MEGF6: variants seen among roughly 807,000 people sequenced by gnomAD.
The protein encoded by MEGF6 is multiple epidermal growth factor-like domains protein 6.
MEGF6 carries 184 observed loss-of-function variants against 207.1 expected under a neutral mutation model. The ratio of observed to expected loss-of-function variants is 0.89; its 90% CI spans 0.79 to 1.00. The LOEUF is 1.00. Ranked by LOEUF, MEGF6 falls within the 50% of genes least tolerant of loss-of-function variation. MEGF6 has a pLI of 0.00. For missense variants in MEGF6, 2,282 were observed against 2,202.9 expected, an observed-to-expected ratio of 1.04 and a Z score of -0.72; for synonymous variants, 1,038 against 910.0, an observed-to-expected ratio of 1.14 and a Z score of -2.53.
intron 4 of MEGF6, among the ~76,000 whole-genome samples, chr1:3,571,326 G>C (rs1643487082): frequency 6.6e-6 from 1 of 152,146 alleles, no homozygotes; most frequent in African/African-American, 2.4e-5. Flanking sequence ...GAGGCCAGAA[G>C]CCTGTTCTTG....
chr1:3,613,576 G>C (rs547921387), upstream of MEGF6, among the ~76,000 whole-genome samples: 1 of 152,306 alleles, frequency 6.6e-6, no homozygotes, highest in South Asian at 2.1e-4. Context: ...CTCACTGTTT[G>C]AGAACATTCT....
chr1:3,605,650 G>A (rs58072665), intron 1 of MEGF6, among the ~76,000 whole-genome samples: 7,534 of 138,518 alleles, frequency 0.054, 346 homozygotes, highest in South Asian at 0.15. Flanking sequence ...GTACTCTCAC[G>A]CATGCAAGCT....
chr1:3,527,397 G>C (rs912662880), intron 4 of MEGF6, among the ~76,000 whole-genome samples: 8 of 152,318 alleles, frequency 5.3e-5, no homozygotes, highest in Admixed American at 2.6e-4. Context: ...AGGAGGCCAG[G>C]GTCTCTGCCT....
intron 4 of MEGF6, among the ~76,000 whole-genome samples, chr1:3,548,205 C>T (rs778385256): frequency 7.9e-5 from 12 of 152,224 alleles, no homozygotes; most frequent in Non-Finnish European, 1.5e-4. Flanking sequence ...GCCGACCTTT[C>T]CCACCAGCAC....
intron 4 of MEGF6, among the ~76,000 whole-genome samples, chr1:3,577,090 T>C (rs1449050646): frequency 1.3e-5 from 2 of 152,024 alleles, no homozygotes; most frequent in Admixed American, 1.3e-4. Flanking sequence ...TGTCCAGCCC[T>C]GCATAATTGA....
chr1:3,529,003 C>T (rs1334063769), intron 4 of MEGF6, among the ~76,000 whole-genome samples: 2 of 152,168 alleles, frequency 1.3e-5, no homozygotes, highest in African/African-American at 2.4e-5. Flanking sequence ...GGCTGGAAAT[C>T]GGGGCTCCCA....
At chr1:3,537,400 C>T (rs945152879) in intron 4 of MEGF6, among the ~76,000 whole-genome samples, 1 of 152,238 alleles carries the variant, frequency 6.6e-6, no homozygotes, top group African/African-American at 2.4e-5. Context: ...TAGTCCTGAC[C>T]GAGGTGGCCA....
intron 4 of MEGF6, among the ~76,000 whole-genome samples, chr1:3,579,015 C>T (rs1390531640): frequency 1.3e-5 from 2 of 152,382 alleles, no homozygotes; most frequent in East Asian, 3.9e-4. Context: ...GCATCTCTCG[C>T]TCTGCCCTGG....
intron 4 of MEGF6, among the ~76,000 whole-genome samples, chr1:3,571,489 T>A (rs926130710): frequency 6.7e-6 from 1 of 149,630 alleles, no homozygotes; most frequent in African/African-American, 2.5e-5. Flanking sequence ...TCCTCCCGGC[T>A]CCAAAGGCCA....
rs767723528 is a variant in MEGF6 at position 3,498,748 on chromosome 1, G to A, written c.3173C>T (p.Ser1058Leu). Residue 1058 changes from serine (S) to leucine (L), a missense_variant, in exon 25 of 37, where the codon TCA becomes TTA. Coordinates refer to ENST00000356575, the MANE Select transcript of MEGF6 (RefSeq NM_001409.4). ...GCCCTCTGGGCACGCACAGTGGCCT[G>A]AGACAGGGTCACAGGTCCCTCCGTT... ...CQNGGTCDPV[S>L]GHCACPEGWA... 13 of 1,563,732 alleles carry A rather than the reference G, an allele frequency of 8.3e-6. No individual in the cohort carries two copies. In the South Asian group the frequency reaches 1.2e-4, roughly 14 times the overall value.
chr1:3,575,601 T>TAG (rs879432266), intron 4 of MEGF6, among the ~76,000 whole-genome samples: 317 of 147,774 alleles, frequency 2.1e-3, no homozygotes, highest in Non-Finnish European at 3.9e-3. Flanking sequence ...GGCCTCACAA[T>TAG]CATGGCAGAA....
chr1:3,573,837 G>A lies in MEGF6; in HGVS notation c.481+5988C>T, dbSNP rs975181252. On this transcript the variant is annotated intron_variant, in intron 4 of 36. Transcript: ENST00000356575. This position sits in a 1 kb window ranked among gnomAD's most constrained non-coding sequence, Gnocchi z 5.1. The stretch of plus-strand genomic sequence containing the variant: ...AGACTCCCACCCTCAGACACAGTGG[G>A]CAGCATTGAAAGGCAGTGGGGAGGG... Among the ~76,000 whole-genome samples the A allele has an allele frequency of 6.6e-6, 1 of 152,182 alleles. No homozygotes were observed. The highest frequency in any genetic ancestry group is 1.5e-5 in the Non-Finnish European group (1 of 68,026).
At position 3,494,505 on chromosome 1, in the gene MEGF6, G is replaced by A. The variant is rs1241961164; in HGVS notation, c.4001-6C>T. ...GTAGCGCCCAGGGGGACAGGCTGGG[G>A]ACAGGGCAGGGTGGGCAGTCCTTCG... On this transcript the variant is annotated splice_polypyrimidine_tract_variant and splice_region_variant and intron_variant, in intron 31 of 36. Transcript: ENST00000356575. 6.3e-7 allele frequency: 1 copy of A among 1,588,048 alleles called. No homozygotes were observed. The highest frequency in any genetic ancestry group is 1.7e-5 in the Admixed American group (1 of 57,386).
intron 4 of MEGF6, among the ~76,000 whole-genome samples, chr1:3,577,891 C>G (rs1643686538): frequency 6.6e-6 from 1 of 152,238 alleles, no homozygotes; most frequent in Non-Finnish European, 1.5e-5. Flanking sequence ...GGACACTGAG[C>G]CTCCACGAGA....
At chr1:3,596,487 G>A (rs1433379967) in intron 2 of MEGF6, among the ~76,000 whole-genome samples, 2 of 102,094 alleles carry the variant, frequency 2.0e-5, no homozygotes, top group Non-Finnish European at 4.0e-5. Context: ...GGCACCCCGC[G>A]CCATCCCCTG....
chr1:3,606,611 C>T (rs558678111), intron 1 of MEGF6, among the ~76,000 whole-genome samples: 1 of 152,326 alleles, frequency 6.6e-6, no homozygotes, highest in South Asian at 2.1e-4. Context: ...GCTAGTGTTA[C>T]TGCAGATACT....
chr1:3,496,432 G>C (rs769234849), intron 29 of MEGF6, among the ~76,000 whole-genome samples: 1 of 152,276 alleles, frequency 6.6e-6, no homozygotes, highest in Admixed American at 6.5e-5. Context: ...AGGTGCAGGG[G>C]CAGAGCTAGC....
At chr1:3,508,058 T>G (rs1485539435) in intron 13 of MEGF6, 135 bp from the exon 14 acceptor site, 2 of 949,162 alleles carry the variant, frequency 2.1e-6, no homozygotes, top group African/African-American at 3.3e-5. Context: ...ACATCACCCC[T>G]GCCCATGCTC....
At chr1:3,509,849 C>T (rs554019233) in intron 11 of MEGF6, 21 bp downstream of exon 11, 161 of 1,536,982 alleles carry the variant, frequency 1.0e-4, no homozygotes, top group East Asian at 1.5e-4. Context: ...GCCGGTGCTC[C>T]GCGGAGGGCG....
Sources: gnomAD v4.1 joint callset for allele counts (sites outside exome capture counted in the v4.1 genomes callset) on GRCh38, gnomAD v4.1.1 for gene constraint, Gnocchi (gnomAD v3.1) non-coding constraint, MANE v1.5 for transcripts, NCBI Gene and HGNC (gene_info 2026-07-23, HGNC 2026-07-21) for gene names.